FSIP1: variants seen among roughly 807,000 people sequenced by gnomAD.
FSIP1 encodes the protein fibrous sheath interacting protein 1.
FSIP1 carries 65 observed loss-of-function variants against 60.9 expected under a neutral mutation model. The ratio of observed to expected loss-of-function variants is 1.07; its 90% confidence interval spans 0.87 to 1.31. FSIP1 has a LOEUF of 1.31. Among genes scored for constraint, FSIP1 ranks in the 40% most tolerant of loss-of-function variants. The probability of loss-of-function intolerance (pLI) is 0.00; values close to 1 mark genes in which losing one functional copy is unlikely to be tolerated. For synonymous variants in FSIP1, 209 were observed against 221.2 expected (o/e 0.94, Z 0.49); for missense variants, 675 against 665.5 (o/e 1.01, Z -0.16).
chr15:39,670,368 T>A (rs1368567616), intron 10 of FSIP1, among the ~76,000 whole-genome samples: 1 of 152,152 alleles, frequency 6.6e-6, no homozygotes, highest in Non-Finnish European at 1.5e-5. Flanking sequence ...TGCCAAAAGA[T>A]CCCTACACTT....
chr15:39,748,881 T>C (rs1012186675), intron 5 of FSIP1, among the ~76,000 whole-genome samples: 1 of 150,378 alleles, frequency 6.6e-6, no homozygotes, highest in African/African-American at 2.4e-5. Context: ...AAGCTAAGAG[T>C]TGTTTTTCTG....
chr15:39,616,197 T>A (rs1350501298), intron 11 of FSIP1, among the ~76,000 whole-genome samples: 1 of 152,254 alleles, frequency 6.6e-6, no homozygotes, highest in Non-Finnish European at 1.5e-5. Context: ...TTACCTACTT[T>A]CATTGGTAAT....
chr15:39,647,595 A>T (rs1226225413), intron 10 of FSIP1, among the ~76,000 whole-genome samples: 1 of 152,052 alleles, frequency 6.6e-6, no homozygotes, highest in Non-Finnish European at 1.5e-5. Flanking sequence ...ACCCCATGAC[A>T]TCACTGGTAT....
intron 10 of FSIP1, among the ~76,000 whole-genome samples, chr15:39,669,418 A>T (rs1368590182): frequency 6.6e-6 from 1 of 152,182 alleles, no homozygotes; most frequent in Admixed American, 6.5e-5. Context: ...CTTCTAAAGA[A>T]CCCAAACCAT....
intron 9 of FSIP1, among the ~76,000 whole-genome samples, chr15:39,723,066 T>G (rs1306417347): frequency 6.6e-6 from 1 of 152,240 alleles, no homozygotes; most frequent in African/African-American, 2.4e-5. Context: ...CTGAGATCTG[T>G]GTCACTGTGC....
chr15:39,776,075 C>T (rs897217820), intron 2 of FSIP1, among the ~76,000 whole-genome samples: 8 of 141,942 alleles, frequency 5.6e-5, no homozygotes, highest in African/African-American at 2.1e-4. Flanking sequence ...TAACAAAGTA[C>T]AGTGCAGAGA....
intron 5 of FSIP1, among the ~76,000 whole-genome samples, chr15:39,754,774 G>A (rs1455287280): frequency 6.6e-6 from 1 of 152,076 alleles, no homozygotes; most frequent in African/African-American, 2.4e-5. Flanking sequence ...AAAACCAGCA[G>A]GGAATAACAA....
intron 5 of FSIP1, among the ~76,000 whole-genome samples, chr15:39,756,622 C>T (rs148520366): frequency 6.6e-6 from 1 of 152,126 alleles, no homozygotes; most frequent in Non-Finnish European, 1.5e-5. Context: ...CATGCATGAA[C>T]CACCCACCCA....
At chr15:39,660,908 T>C (rs8036226) in intron 10 of FSIP1, among the ~76,000 whole-genome samples, 116,726 of 151,962 alleles carry the variant, frequency 0.77, 45,892 homozygotes, top group Non-Finnish European at 0.87. Flanking sequence ...ACTAAAACTA[T>C]AAAAATTAGT....
chr15:39,643,565 A>G (rs1892463461), intron 10 of FSIP1, among the ~76,000 whole-genome samples: 1 of 152,254 alleles, frequency 6.6e-6, no homozygotes, highest in Admixed American at 6.5e-5. Context: ...TTTTCTGATC[A>G]GAAATAAGCC....
At chr15:39,770,275 C>T in intron 3 of FSIP1, 152 bp downstream of exon 3, 1 of 461,652 alleles carries the variant, frequency 2.2e-6, no homozygotes, top group East Asian at 3.5e-5. Flanking sequence ...AAAGTGATTG[C>T]TTGCTCACAA....
intron 10 of FSIP1, among the ~76,000 whole-genome samples, chr15:39,634,230 C>T (rs1026711427): frequency 6.6e-6 from 1 of 152,198 alleles, no homozygotes; most frequent in Non-Finnish European, 1.5e-5. Flanking sequence ...TAAGGAAAAG[C>T]CCTCTTTTGA....
chr15:39,630,362 T>C (rs1566859732), intron 10 of FSIP1, among the ~76,000 whole-genome samples: 1 of 152,240 alleles, frequency 6.6e-6, no homozygotes, highest in Non-Finnish European at 1.5e-5. Context: ...CTAAATAGCT[T>C]GATGCATACC....
intron 6 of FSIP1, among the ~76,000 whole-genome samples, chr15:39,740,328 CCAATTTTCCTCAACCTTTTG>C (rs1263142193): frequency 6.6e-6 from 1 of 152,150 alleles, no homozygotes; most frequent in Non-Finnish European, 1.5e-5. Context: ...TCTCAGTTGG[CCAATTTTCCTCAACCTTTTG>C]GAAGAGGCTT....
Position 39,686,047 on chromosome 15 carries a change from T to C in FSIP1, c.1188+27397A>G, listed in dbSNP as rs16969567. Among the ~76,000 whole-genome samples, 913 of 152,224 alleles carry C rather than the reference T, an allele frequency of 6.0e-3. 8 individuals are homozygous for C. Among genetic ancestry groups the C allele is most frequent in the African/African-American group, 0.021 (859 of 41,548 alleles). ...AACAAAACTAATTTCAAATAACAAA[T>C]TTGGAGGATGATAATTTCAGTGACC... is the stretch of plus-strand genomic sequence containing the variant. On this transcript the variant is annotated intron_variant, in intron 10 of 11. Transcript: ENST00000350221.
chr15:39,772,235 G>A (rs1000649509), intron 2 of FSIP1, among the ~76,000 whole-genome samples: 6 of 151,992 alleles, frequency 3.9e-5, no homozygotes, highest in African/African-American at 1.5e-4. Context: ...CTGCTCTGTG[G>A]CCTATATGCA....
At chr15:39,694,187 C>T (rs1894720826) in intron 10 of FSIP1, among the ~76,000 whole-genome samples, 1 of 150,704 alleles carries the variant, frequency 6.6e-6, no homozygotes, top group Non-Finnish European at 1.5e-5. Context: ...TTTTTGGCCA[C>T]TCTAATTCAA....
chr15:39,670,514 C>G (rs970064992), intron 10 of FSIP1, among the ~76,000 whole-genome samples: 9 of 152,186 alleles, frequency 5.9e-5, no homozygotes, highest in Admixed American at 1.3e-4. Context: ...CAGAGTCTCG[C>G]TCTGTAGCCC....
chr15:39,692,470 G>T (rs1894641410), intron 10 of FSIP1, among the ~76,000 whole-genome samples: 1 of 152,064 alleles, frequency 6.6e-6, no homozygotes. Flanking sequence ...AAAATACAGA[G>T]CACTTTAGGA....
Sources: allele counts gnomAD v4.1 joint callset (sites outside exome capture counted in the v4.1 genomes callset), GRCh38; gene constraint gnomAD v4.1.1; transcripts MANE v1.5; gene names NCBI Gene and HGNC (gene_info 2026-07-23, HGNC 2026-07-21).